TMC7: variants seen among roughly 807,000 people sequenced by gnomAD.
The protein encoded by TMC7 is transmembrane channel-like protein 7.
TMC7 carries 54 observed loss-of-function variants against 82.9 expected under a neutral mutation model. The ratio of observed to expected loss-of-function variants is 0.65; its 90% confidence interval spans 0.52 to 0.82. The LOEUF is 0.82. Ranked by LOEUF, TMC7 falls within the 40% of genes least tolerant of loss-of-function variation. The pLI is 0.00. For synonymous variants in TMC7, 350 were observed against 337.9 expected (o/e 1.04, Z -0.39); for missense variants, 820 against 901.2 (o/e 0.91, Z 1.15).
chr16:19,054,412 C>T (rs1961673889), intron 13 of TMC7, among the ~76,000 whole-genome samples: 1 of 152,068 alleles, frequency 6.6e-6, no homozygotes, highest in Admixed American at 6.6e-5. Flanking sequence ...TGCTCAAGTC[C>T]TTGCTATAAA....
In TMC7 at chr16:19,040,318, C is replaced by A; in HGVS notation, c.1209C>A (p.Asn403Lys). 4 of 1,613,524 alleles carry A rather than the reference C, an allele frequency of 2.5e-6. No homozygotes were observed. Among genetic ancestry groups the A allele is most frequent in the Non-Finnish European group, 3.4e-6 (4 of 1,179,862 alleles). Residue 403 changes from asparagine to lysine, a missense_variant, in exon 9 of 16, where the codon AAC (asparagine) becomes AAA (lysine). By Grantham distance (94) the Asn-to-Lys change is moderately conservative. Transcript: ENST00000304381. ...KEIDKMVFGENLFILYLPSIV... is the reference protein window; with the variant it reads ...KEIDKMVFGEKLFILYLPSIV... ...TCGACAAGATGGTTTTTGGAGAGAACCTCTTCATATTGTATCTACCGTCTA... is the reference window on the plus strand; with the variant it reads ...TCGACAAGATGGTTTTTGGAGAGAAACTCTTCATATTGTATCTACCGTCTA...
chr16:19,059,398 G>A lies in TMC7; in HGVS notation c.2028-18G>A, dbSNP rs1263381329. On this transcript the variant is annotated intron_variant, in intron 14 of 15. Coordinates refer to ENST00000304381, the MANE Select transcript of TMC7 (RefSeq NM_024847.4). ...GATGATCCAGACTCCCTTGTGACCT[G>A]TCTGTCTTGTGTTGCAGCCTCATCA... 15 of 1,610,416 alleles carry A rather than the reference G, an allele frequency of 9.3e-6. No individual in the cohort carries two copies. Among genetic ancestry groups the A allele is most frequent in the Non-Finnish European group, 1.3e-5 (15 of 1,177,430 alleles).
intron 7 of TMC7, among the ~76,000 whole-genome samples, chr16:19,036,049 G>T (rs114736395): frequency 2.2e-4 from 33 of 152,232 alleles, no homozygotes; most frequent in African/African-American, 7.9e-4. Flanking sequence ...ACTGGGAAGT[G>T]GGGTGGGGAT....
At chr16:19,014,451 G>C (rs112532865) in intron 2 of TMC7, among the ~76,000 whole-genome samples, 1 of 152,176 alleles carries the variant, frequency 6.6e-6, no homozygotes, top group Admixed American at 6.6e-5. Flanking sequence ...TGCGAGGCTC[G>C]TTTGGATGGA....
At chr16:19,019,926 T>C (rs1959882729) in intron 3 of TMC7, among the ~76,000 whole-genome samples, 1 of 152,206 alleles carries the variant, frequency 6.6e-6, no homozygotes, top group African/African-American at 2.4e-5. Context: ...GTGGGTATCT[T>C]ATATCTTCGG....
In TMC7 at chr16:19,059,426, T is replaced by TTAA; in HGVS notation, c.2039_2040insAAT (p.Phe680delinsLeuIle). On this transcript the variant is annotated protein_altering_variant, in exon 15 of 16. Transcript: ENST00000304381. ...TGTCTTGTGTTGCAGCCTCATCATG[T>TTAA]TTTACTTCATTGCCTTAGCTGGAGC... The TTAA allele has an allele frequency of 6.2e-7, 1 of 1,613,808 alleles. No homozygotes were observed. Among genetic ancestry groups the TTAA allele is most frequent in the Non-Finnish European group, 8.5e-7 (1 of 1,179,930 alleles).
chr16:19,037,328 C>T (rs1337800505), intron 7 of TMC7, among the ~76,000 whole-genome samples: 2 of 135,240 alleles, frequency 1.5e-5, no homozygotes, highest in African/African-American at 5.6e-5. Flanking sequence ...TCAGAGGTTG[C>T]AGTGAGCCGA....
intron 7 of TMC7, 147 bp from the exon 8 acceptor site, chr16:19,037,727 C>T (rs1382787516): frequency 3.9e-6 from 3 of 773,000 alleles, no homozygotes; most frequent in East Asian, 2.8e-5. Context: ...CCTACCTTGG[C>T]CTGCCACGGT....
In TMC7 at chr16:19,045,446, C is replaced by T. The variant is rs74790534; in HGVS notation, c.1553+8C>T. On this transcript the variant is annotated splice_region_variant and intron_variant, in intron 11 of 15. Transcript: ENST00000304381. Reference sequence around the variant, plus strand: ...CGTGGATTTTCCTAGAAAGTAAGTGCGAGGGGTGCCCATATTATCCCCCCC... The same window carrying T: ...CGTGGATTTTCCTAGAAAGTAAGTGTGAGGGGTGCCCATATTATCCCCCCC... 7,216 of 1,595,960 alleles carry T rather than the reference C, an allele frequency of 4.5e-3. 248 individuals carry two copies. In the African/African-American group the frequency reaches 0.077, roughly 17 times the overall value.
intron 2 of TMC7, among the ~76,000 whole-genome samples, chr16:19,010,038 CTTTCTTTCTT>C (rs943111975): frequency 1.4e-5 from 2 of 147,196 alleles, no homozygotes; most frequent in Admixed American, 6.9e-5. Context: ...TCCCTCCCTC[CTTTCTTTCTT>C]TTTCTTTCTT....
chr16:19,034,572 T>A (rs1960658417), intron 6 of TMC7, among the ~76,000 whole-genome samples: 1 of 151,964 alleles, frequency 6.6e-6, no homozygotes, highest in Non-Finnish European at 1.5e-5. Context: ...CACTCCAGCC[T>A]GGGCAACAGA....
rs536401585 is a variant in TMC7 at position 19,061,351 on chromosome 16, G to A, written c.2107-427G>A. ...TTTAGTAGAGGTGGGGTTTCACCACGTTGGTCAGGCTGGTCTGAAACTTCT... is the reference window on the plus strand; with the variant it reads ...TTTAGTAGAGGTGGGGTTTCACCACATTGGTCAGGCTGGTCTGAAACTTCT... On this transcript the variant is annotated intron_variant, in intron 15 of 15. Coordinates refer to ENST00000304381, the MANE Select transcript of TMC7 (RefSeq NM_024847.4). Among the ~76,000 whole-genome samples the A allele has an allele frequency of 3.3e-5, 5 of 151,056 alleles. No individual in the cohort carries two copies. The South Asian group carries it at 6.3e-4, about 19-fold the overall frequency.
chr16:18,992,419 C>A (rs1267848790), intron 1 of TMC7, among the ~76,000 whole-genome samples: 1 of 152,108 alleles, frequency 6.6e-6, no homozygotes, highest in Non-Finnish European at 1.5e-5. Flanking sequence ...CTGTTCATAT[C>A]CTTTGCCCAC....
At chr16:19,019,584 T>A (rs1044244603) in intron 3 of TMC7, among the ~76,000 whole-genome samples, 3 of 152,098 alleles carry the variant, frequency 2.0e-5, no homozygotes, top group Admixed American at 2.0e-4. Context: ...GCTCAGAGAG[T>A]TTGAGATCTT....
chr16:19,043,259 T>C (rs1961104709), intron 9 of TMC7, among the ~76,000 whole-genome samples: 1 of 152,190 alleles, frequency 6.6e-6, no homozygotes, highest in Non-Finnish European at 1.5e-5. Flanking sequence ...TTTTCACTTT[T>C]CAGCATGCCA....
At chr16:19,060,469 TGCTGGGATTACAG>T (rs1231155998) in intron 15 of TMC7, among the ~76,000 whole-genome samples, 1 of 152,102 alleles carries the variant, frequency 6.6e-6, no homozygotes, top group East Asian at 1.9e-4. Flanking sequence ...TTCCCCAAAG[TGCTGGGATTACAG>T]GCATGAGCCA....
At chr16:19,030,436 G>A (rs928985995) in intron 6 of TMC7, 67 bp downstream of exon 6, 3 of 1,527,254 alleles carry the variant, frequency 2.0e-6, no homozygotes, top group Non-Finnish European at 2.6e-6. Context: ...AGATATGGGA[G>A]CTCTGGAAGC....
chr16:19,024,044 G>A (rs1304779593), intron 5 of TMC7, among the ~76,000 whole-genome samples: 1 of 152,100 alleles, frequency 6.6e-6, no homozygotes, highest in African/African-American at 2.4e-5. Context: ...TCAATCCAAG[G>A]TTAACATCCC....
At chr16:19,007,596 T>C (rs2142165791) in intron 1 of TMC7, among the ~76,000 whole-genome samples, 1 of 152,158 alleles carries the variant, frequency 6.6e-6, no homozygotes, top group African/African-American at 2.4e-5. Flanking sequence ...CTTAGCTAAA[T>C]GTCACCTTTA....
Sources: allele counts gnomAD v4.1 joint callset (sites outside exome capture counted in the v4.1 genomes callset), GRCh38; gene constraint gnomAD v4.1.1; transcripts MANE v1.5; gene names NCBI Gene and HGNC (gene_info 2026-07-23, HGNC 2026-07-21).